Variants in NDUFS1 observed in about 807,000 individuals in gnomAD.
NDUFS1 encodes NADH-ubiquinone oxidoreductase 75 kDa subunit, mitochondrial.
In NDUFS1, 61 loss-of-function variants were observed where a neutral mutation model predicts 84.4. The ratio of observed to expected loss-of-function variants is 0.72; its 90% confidence interval spans 0.59 to 0.89. The LOEUF (loss-of-function observed/expected upper bound fraction) is 0.89. Among genes scored for constraint, NDUFS1 ranks in the 40% least tolerant of loss-of-function variants. The pLI is 0.00. For missense variants in NDUFS1, 891 were observed against 890.0 expected, an observed-to-expected ratio of 1.00 and a Z score of -0.01; for synonymous variants, 275 against 290.0, an observed-to-expected ratio of 0.95 and a Z score of 0.53.
chr2:206,148,181 T>A (rs1401797415), intron 5 of NDUFS1, among the ~76,000 whole-genome samples: 1 of 152,174 alleles, frequency 6.6e-6, no homozygotes, highest in East Asian at 1.9e-4. Flanking sequence ...CGCCCTGGCG[T>A]CCCAAAGTGC....
intron 1 of NDUFS1, among the ~76,000 whole-genome samples, 177 bp from the exon 2 acceptor site, chr2:206,153,859 T>C (rs1005561007): frequency 2.0e-5 from 3 of 152,222 alleles, no homozygotes; most frequent in Non-Finnish European, 2.9e-5. Flanking sequence ...TACTGACTTG[T>C]ACAATGTCAA....
chr2:206,151,483 T>C (rs1270421624), intron 3 of NDUFS1, among the ~76,000 whole-genome samples: 13 of 152,198 alleles, frequency 8.5e-5, no homozygotes, highest in Non-Finnish European at 1.6e-4. Context: ...TACTACCTCC[T>C]ATCCCTGCCA....
intron 1 of NDUFS1, among the ~76,000 whole-genome samples, chr2:206,158,755 T>G (rs150162584): frequency 3.5e-4 from 54 of 152,382 alleles, no homozygotes; most frequent in African/African-American, 1.2e-3. Context: ...CAATAACCTG[T>G]AAACAACGTT....
intron 12 of NDUFS1, 61 bp from the exon 13 acceptor site, chr2:206,138,675 C>G (rs1691819095): frequency 3.3e-6 from 5 of 1,517,330 alleles, no homozygotes; most frequent in Admixed American, 1.7e-5. Flanking sequence ...CTGGTCTCAT[C>G]AATCCTAAGT....
intron 4 of NDUFS1, among the ~76,000 whole-genome samples, chr2:206,149,402 A>C (rs954563838): frequency 6.6e-6 from 1 of 152,136 alleles, no homozygotes; most frequent in African/African-American, 2.4e-5. Flanking sequence ...AGCAGGCACT[A>C]TTGAATAAAA....
In NDUFS1 at chr2:206,157,320, T is replaced by C. The variant is rs541152724; in HGVS notation, c.-5+2021A>G. ...AGTACCAGTACACACTGTGTAGATA[T>C]TTTTGTTTTACTTACTAAACTGTAG... On this transcript the variant is annotated intron_variant, in intron 1 of 18. Coordinates refer to ENST00000233190, the MANE Select transcript of NDUFS1 (RefSeq NM_005006.7). 7.2e-5 allele frequency among the ~76,000 whole-genome samples: 11 copies of C among 152,288 alleles called. No individual in the cohort carries two copies. In the South Asian group the frequency reaches 2.3e-3, roughly 32 times the overall value.
Position 206,149,056 on chromosome 2 carries a change from T to G in NDUFS1, c.302A>C (p.Asn101Thr). 1 of 1,613,592 alleles carries G rather than the reference T, an allele frequency of 6.2e-7. No homozygotes were observed. Among genetic ancestry groups the G allele is most frequent in the Non-Finnish European group, 8.5e-7 (1 of 1,179,730 alleles). ...GGATTTTTCTGAGTTTGTTAGGATA[T>G]TCCAACCCTTCATTACTGGCATGGC... ...ACAMPVMKGW[N>T]ILTNSEKSKK... The change falls in exon 5 of 19, where the codon AAT becomes ACT. Residue 101 changes from asparagine to threonine, a missense_variant. Transcript: ENST00000233190.
chr2:206,144,747 T>G (rs1692092812), intron 9 of NDUFS1, 145 bp downstream of exon 9: 2 of 785,930 alleles, frequency 2.5e-6, no homozygotes, highest in African/African-American at 3.5e-5. Flanking sequence ...TTAAAGTCAG[T>G]ATTATCACAT....
intron 14 of NDUFS1, among the ~76,000 whole-genome samples, chr2:206,132,115 A>G (rs1331897380): frequency 6.6e-6 from 1 of 151,856 alleles, no homozygotes; most frequent in Non-Finnish European, 1.5e-5. Flanking sequence ...ACAGAGTGAG[A>G]CTCTGGTCTC....
rs1559051809 is a variant in NDUFS1 at position 206,138,519 on chromosome 2, T to C, written c.1358A>G (p.Gln453Arg). The C allele has an allele frequency of 6.2e-7, 1 of 1,614,122 alleles. No individual in the cohort carries two copies. The highest frequency in any genetic ancestry group is 2.2e-5 in the East Asian group (1 of 44,876). The change falls in exon 13 of 19, where the codon CAA (glutamine) becomes CGA (arginine). Residue 453 changes from glutamine to arginine, a missense_variant. By Grantham distance (43) the Gln-to-Arg change is conservative. Transcript: ENST00000233190. ...TGGATGGCTTCCCGAAGCAATGTCT[T>C]GAAGAATTTTGGGGGAGTCTCCCAG... The part of the protein sequence containing the change: ...DHLGDSPKIL[Q>R]DIASGSHPFS...
At chr2:206,154,495 A>T (rs749795096) in intron 1 of NDUFS1, among the ~76,000 whole-genome samples, 4 of 152,278 alleles carry the variant, frequency 2.6e-5, no homozygotes, top group Non-Finnish European at 5.9e-5. Flanking sequence ...AAGTGTCAAC[A>T]GTGCTGAAGT....
intron 18 of NDUFS1, among the ~76,000 whole-genome samples, chr2:206,125,013 A>T (rs1348355708): frequency 6.6e-6 from 1 of 151,470 alleles, no homozygotes; most frequent in Non-Finnish European, 1.5e-5. Flanking sequence ...GAATAATCTC[A>T]CTTTTTTTTT....
rs937993056 is a variant in NDUFS1 at position 206,159,190 on chromosome 2, C to T, written c.-5+151G>A. 12 of 1,524,456 alleles carry T rather than the reference C, an allele frequency of 7.9e-6. No homozygotes were observed. The East Asian group carries it at 2.9e-4, about 37-fold the overall frequency. 94.4% of individuals were successfully genotyped at this position (1,524,456 alleles called of 1,614,324 possible). The stretch of plus-strand genomic sequence containing the variant: ...TGGCTAAAAGCCCCCCATCTGCCGG[C>T]TCTCAGGGGCTTCCGAGGCGGCGGG... On this transcript the variant is annotated intron_variant, in intron 1 of 18. Transcript: ENST00000233190.
At chr2:206,132,181 A>G (rs2105951535) in intron 14 of NDUFS1, among the ~76,000 whole-genome samples, 1 of 152,190 alleles carries the variant, frequency 6.6e-6, no homozygotes, top group South Asian at 2.1e-4. Context: ...AAGAAAATGC[A>G]TGAAAATAGT....
chr2:206,129,593 CTT>C (rs746414966), intron 15 of NDUFS1, among the ~76,000 whole-genome samples: 5 of 142,338 alleles, frequency 3.5e-5, no homozygotes, highest in Non-Finnish European at 4.6e-5. Flanking sequence ...TTTGGTTTAA[CTT>C]TTTTTTTTTT....
rs1690977590 is a variant in NDUFS1 at position 206,117,395 on chromosome 2, T to G, written c.*6790A>C. ...TAAATTGTATTTCTCTTTGTAGTCT[T>G]GGGTAATGTACTTGACACACAGTAG... On this transcript the variant is annotated 3_prime_UTR_variant, in exon 19 of 19. Coordinates refer to ENST00000233190, the MANE Select transcript of NDUFS1 (RefSeq NM_005006.7). 1 of 152,242 alleles carries G rather than the reference T, an allele frequency of 6.6e-6. No homozygotes were observed. Among genetic ancestry groups the G allele is most frequent in the African/African-American group, 2.4e-5 (1 of 41,460 alleles). The allele number at this position is 152,242 out of a possible 1,614,324, so 9.4% of individuals were successfully genotyped here.
chr2:206,130,727 T>C (rs917762895), intron 14 of NDUFS1, among the ~76,000 whole-genome samples: 1 of 152,204 alleles, frequency 6.6e-6, no homozygotes, highest in Non-Finnish European at 1.5e-5. Context: ...GTTTTGAGAA[T>C]GGCAACCAAA....
intron 18 of NDUFS1, among the ~76,000 whole-genome samples, chr2:206,126,056 A>T (rs1448404025): frequency 6.6e-6 from 1 of 152,226 alleles, no homozygotes; most frequent in Non-Finnish European, 1.5e-5. Flanking sequence ...TCTATCAACT[A>T]TTAACTACCT....
Position 206,143,878 on chromosome 2 carries a change from A to G in NDUFS1, c.987+140T>C. 3 of 702,352 alleles carry G rather than the reference A, an allele frequency of 4.3e-6. No homozygotes were observed. The Admixed American group carries it at 6.6e-5, about 15-fold the overall frequency. The allele number at this position is 702,352 out of a possible 1,614,324, so 43.5% of individuals were successfully genotyped here. On this transcript the variant is annotated intron_variant, in intron 10 of 18. Coordinates refer to ENST00000233190, the MANE Select transcript of NDUFS1 (RefSeq NM_005006.7). ...AATATCTAGCATATGTCCTCAGTAG[A>G]TGTCTGTAAAATGGAAGGAGATTAA...
Sources: gnomAD v4.1 joint callset for allele counts (sites outside exome capture counted in the v4.1 genomes callset) on GRCh38, gnomAD v4.1.1 for gene constraint, MANE v1.5 for transcripts, NCBI Gene and HGNC (gene_info 2026-07-23, HGNC 2026-07-21) for gene names.